The following COL23A1 variants were observed in gnomAD, a reference collection of about 807,000 sequenced individuals.
The protein encoded by COL23A1 is collagen alpha-1(XXIII) chain.
COL23A1 carries 97 observed loss-of-function variants against 99.3 expected under a neutral mutation model. The observed-to-expected ratio is 0.98, with a 90% CI of 0.83 to 1.16. The LOEUF (loss-of-function observed/expected upper bound fraction) is 1.16. Among genes scored for constraint, COL23A1 ranks in the 50% most tolerant of loss-of-function variants. The pLI, the probability that COL23A1 is intolerant of heterozygous loss-of-function variation, is 0.00. For missense variants in COL23A1, 762 were observed against 757.4 expected (o/e 1.01, Z -0.07); for synonymous variants, 320 against 308.2 (o/e 1.04, Z -0.40).
Position 178,515,949 on chromosome 5 carries a change from G to T in COL23A1, c.361+44733C>A, listed in dbSNP as rs570420227. Among the ~76,000 whole-genome samples, 3 of 151,930 alleles carry T rather than the reference G, an allele frequency of 2.0e-5. No individual in the cohort carries two copies. The East Asian group carries it at 5.9e-4, about 30-fold the overall frequency. On this transcript the variant is annotated intron_variant, in intron 2 of 28. Transcript: ENST00000390654. Reference sequence around the variant, plus strand: ...CCGGGCCTTCGCCACCCTGCCAGACGCCTCTGCACGCCCTTCCCTTGTCTT... The same window carrying T: ...CCGGGCCTTCGCCACCCTGCCAGACTCCTCTGCACGCCCTTCCCTTGTCTT...
intron 1 of COL23A1, chr5:178,562,736 T>TGGGGGG (rs569933780): frequency 1.8e-4 from 19 of 106,772 alleles, no homozygotes; most frequent in African/African-American, 5.9e-4. Flanking sequence ...TGGCTGGTGG[T>TGGGGGG]GGGGGGGGTG....
chr5:178,455,777 C>A (rs957376058), intron 2 of COL23A1, among the ~76,000 whole-genome samples: 1 of 152,292 alleles, frequency 6.6e-6, no homozygotes, highest in South Asian at 2.1e-4. Context: ...GACCAGCCCT[C>A]TACAGTGGCC....
chr5:178,520,791 C>T (rs1759897620), intron 2 of COL23A1, among the ~76,000 whole-genome samples: 1 of 152,192 alleles, frequency 6.6e-6, no homozygotes, highest in South Asian at 2.1e-4. Flanking sequence ...CCCCAGCATA[C>T]AGCCTGGTTT....
In COL23A1 at chr5:178,242,252, TTCTC is replaced by T. The variant is rs543262280; in HGVS notation, c.1494+85_1494+88del. Reference sequence around the variant, plus strand: ...CCTCCGCCCACCTGCCCGGCCTGGGTTCTCTCTACCTGCTTCACCTGAGCCTCCA... The same window carrying T: ...CCTCCGCCCACCTGCCCGGCCTGGGTTCTACCTGCTTCACCTGAGCCTCCA... On this transcript the variant is annotated intron_variant, in intron 26 of 28. Transcript: ENST00000390654. 5.9e-4 allele frequency: 887 copies of T among 1,508,068 alleles called. 3 individuals are homozygous for T. In the African/African-American group the frequency reaches 6.7e-3, roughly 11 times the overall value. The allele number at this position is 1,508,068 out of a possible 1,614,324, so 93.4% of individuals were successfully genotyped here.
chr5:178,521,446 G>A (rs1454880302), intron 2 of COL23A1, among the ~76,000 whole-genome samples: 2 of 151,928 alleles, frequency 1.3e-5, no homozygotes, highest in South Asian at 4.1e-4. Flanking sequence ...CCAGCTACTC[G>A]GGAGGCCGAG....
At chr5:178,461,099 G>GA (rs1756097730) in intron 2 of COL23A1, among the ~76,000 whole-genome samples, 1 of 152,176 alleles carries the variant, frequency 6.6e-6, no homozygotes, top group Admixed American at 6.5e-5. Context: ...GGACTTCCAC[G>GA]AAATTGTGCA....
At chr5:178,486,594 A>G (rs1446488463) in intron 2 of COL23A1, among the ~76,000 whole-genome samples, 1 of 152,196 alleles carries the variant, frequency 6.6e-6, no homozygotes, top group African/African-American at 2.4e-5. Flanking sequence ...TCAGGAAGAG[A>G]CAGTTGGGTG....
chr5:178,248,219 C>T lies in COL23A1; in HGVS notation c.1185G>A (p.Ser395=), dbSNP rs766393991. 1.9e-5 allele frequency: 30 copies of T among 1,611,536 alleles called. No homozygotes were observed. Among genetic ancestry groups the T allele is most frequent in the African/African-American group, 4.0e-5 (3 of 74,850 alleles). ...GGCTCTCCTGTAGGCTGTCAGACGC[C>T]GACTCCCCCTTCTCCCCCTTGAGGC... ...ADGLKGEKGE[S]ASDSLQESLA... Residue 395 remains serine, a synonymous_variant, in exon 20 of 29, where the codon TCG becomes TCA. Transcript: ENST00000390654.
At chr5:178,367,572 C>A (rs1762557308) in intron 2 of COL23A1, among the ~76,000 whole-genome samples, 1 of 152,176 alleles carries the variant, frequency 6.6e-6, no homozygotes, top group Non-Finnish European at 1.5e-5. Flanking sequence ...CTAGGTCCCA[C>A]TGTACGAGCC....
intron 2 of COL23A1, among the ~76,000 whole-genome samples, chr5:178,486,561 T>C (rs141830641): frequency 6.8e-4 from 104 of 151,984 alleles, no homozygotes; most frequent in Non-Finnish European, 1.4e-3. Flanking sequence ...AAACGAATAA[T>C]TGGCAAATTC....
chr5:178,552,004 A>G (rs1581622658), intron 2 of COL23A1, among the ~76,000 whole-genome samples: 1 of 152,064 alleles, frequency 6.6e-6, no homozygotes, highest in East Asian at 1.9e-4. Flanking sequence ...AGTCTCTCAG[A>G]ATGCATCCCC....
At chr5:178,311,145 G>C (rs901941108) in intron 2 of COL23A1, among the ~76,000 whole-genome samples, 2 of 152,300 alleles carry the variant, frequency 1.3e-5, no homozygotes, top group African/African-American at 4.8e-5. Context: ...TTTCACCGTG[G>C]GTGCCACCAC....
intron 2 of COL23A1, among the ~76,000 whole-genome samples, chr5:178,555,047 C>T (rs72810628): frequency 0.11 from 16,043 of 152,214 alleles, 1,104 homozygotes; most frequent in Non-Finnish European, 0.15. Flanking sequence ...CGGCTTAAAA[C>T]AGCAGAAATG....
At chr5:178,301,176 T>C (rs1758012462) in intron 3 of COL23A1, among the ~76,000 whole-genome samples, 1 of 152,220 alleles carries the variant, frequency 6.6e-6, no homozygotes, top group African/African-American at 2.4e-5. Context: ...GCAAGTTTGC[T>C]GATTCTTTCT....
Position 178,387,165 on chromosome 5 carries a change from C to T in COL23A1, c.362-80246G>A, listed in dbSNP as rs757363525. On this transcript the variant is annotated intron_variant, in intron 2 of 28. Transcript: ENST00000390654. The surrounding 1 kb of genome is among the most constrained non-coding windows in gnomAD (Gnocchi z 4.7). ...CTCTTTTCTCTTTCATTTTACCCATCCTGGTGCTGACAGCTCACAGCAACC... is the reference window on the plus strand; with the variant it reads ...CTCTTTTCTCTTTCATTTTACCCATTCTGGTGCTGACAGCTCACAGCAACC... Among the ~76,000 whole-genome samples, 2 of 152,218 alleles carry T rather than the reference C, an allele frequency of 1.3e-5. No individual in the cohort carries two copies. Among genetic ancestry groups the T allele is most frequent in the African/African-American group, 4.8e-5 (2 of 41,530 alleles).
intron 2 of COL23A1, among the ~76,000 whole-genome samples, chr5:178,539,899 A>G (rs1319180557): frequency 6.6e-6 from 1 of 152,226 alleles, no homozygotes; most frequent in Non-Finnish European, 1.5e-5. Flanking sequence ...GCAACATATT[A>G]AAATAATATA....
chr5:178,481,009 A>G (rs1471219988), intron 2 of COL23A1, among the ~76,000 whole-genome samples: 8 of 151,734 alleles, frequency 5.3e-5, no homozygotes, highest in Non-Finnish European at 4.4e-5. Context: ...TTAGCTGGGC[A>G]TGGTAGCACA....
At chr5:178,357,714 GTGTA>G (rs1164953495) in intron 2 of COL23A1, among the ~76,000 whole-genome samples, 9 of 101,294 alleles carry the variant, frequency 8.9e-5, no homozygotes, top group Non-Finnish European at 1.4e-4. Flanking sequence ...TTTAAAATGT[GTGTA>G]TGTGTGTGTG....
chr5:178,404,966 A>G (rs1361174533), intron 2 of COL23A1, among the ~76,000 whole-genome samples: 1 of 152,092 alleles, frequency 6.6e-6, no homozygotes, highest in African/African-American at 2.4e-5. Context: ...TCATCTACAA[A>G]CCCTGGTGTT....
Sources: gnomAD v4.1 joint callset for allele counts (sites outside exome capture counted in the v4.1 genomes callset) on GRCh38, gnomAD v4.1.1 for gene constraint, Gnocchi (gnomAD v3.1) non-coding constraint, MANE v1.5 for transcripts, NCBI Gene and HGNC (gene_info 2026-07-23, HGNC 2026-07-21) for gene names.